NTNG1: variants seen among roughly 807,000 people sequenced by gnomAD.
NTNG1 encodes netrin G1, also known as netrin-G1.
A neutral mutation model predicts 54.0 loss-of-function variants in NTNG1; 16 were observed. That is an observed-to-expected ratio of 0.30 (90% CI 0.20 to 0.45). The LOEUF (loss-of-function observed/expected upper bound fraction) is 0.45, where lower values mean the gene tolerates loss of function less well. NTNG1 is among the 20% of genes least tolerant of loss of function. The pLI, the probability that NTNG1 is intolerant of heterozygous loss-of-function variation, is 1.00. For synonymous variants in NTNG1, 255 were observed against 263.1 expected (o/e 0.97, Z 0.30); for missense variants, 530 against 678.7 (o/e 0.78, Z 2.43).
At chr1:107,442,876 C>T (rs963929773) in intron 7 of NTNG1, among the ~76,000 whole-genome samples, 10 of 152,030 alleles carry the variant, frequency 6.6e-5, no homozygotes, top group Non-Finnish European at 1.5e-4. Flanking sequence ...AGACATGGTT[C>T]AGGAAGATAG....
At chr1:107,358,429 G>T (rs1456468129) in intron 3 of NTNG1, among the ~76,000 whole-genome samples, 1 of 151,716 alleles carries the variant, frequency 6.6e-6, no homozygotes, top group Non-Finnish European at 1.5e-5. Context: ...CATAGATTTG[G>T]TCACGAGTGG....
At chr1:107,445,010 G>T (rs1045396311) in intron 7 of NTNG1, among the ~76,000 whole-genome samples, 16 of 152,098 alleles carry the variant, frequency 1.1e-4, no homozygotes, top group African/African-American at 3.9e-4. Flanking sequence ...ATGTCTAAAT[G>T]TGAAAATCAG....
chr1:107,459,250 C>T (rs565667766), intron 7 of NTNG1, among the ~76,000 whole-genome samples: 1 of 152,190 alleles, frequency 6.6e-6, no homozygotes, highest in South Asian at 2.1e-4. Flanking sequence ...TATTTGAGTC[C>T]TAAACCTAGG....
At chr1:107,474,779 C>A (rs1558027070) in intron 7 of NTNG1, among the ~76,000 whole-genome samples, 1 of 152,222 alleles carries the variant, frequency 6.6e-6, no homozygotes, top group South Asian at 2.1e-4. Flanking sequence ...GATAACAAAC[C>A]CTCTCCCAAA....
intron 2 of NTNG1, among the ~76,000 whole-genome samples, chr1:107,310,471 A>G (rs1281599029): frequency 6.6e-6 from 1 of 152,132 alleles, no homozygotes; most frequent in Non-Finnish European, 1.5e-5. Context: ...ACTTTGGTTC[A>G]TGATGGTGGA....
intron 7 of NTNG1, among the ~76,000 whole-genome samples, chr1:107,473,433 A>G (rs2101592078): frequency 6.6e-6 from 1 of 152,230 alleles, no homozygotes; most frequent in Middle Eastern, 3.4e-3. Context: ...CCTGGCTAAT[A>G]CCCTCTGAGC....
intron 2 of NTNG1, among the ~76,000 whole-genome samples, chr1:107,216,686 C>CA: frequency 7.1e-6 from 1 of 139,910 alleles, no homozygotes; most frequent in East Asian, 2.1e-4. Flanking sequence ...AGGATTCCCT[C>CA]TTTTTTTTTT....
chr1:107,275,787 T>G (rs1244735935), intron 2 of NTNG1, among the ~76,000 whole-genome samples: 1 of 152,146 alleles, frequency 6.6e-6, no homozygotes, highest in Non-Finnish European at 1.5e-5. Flanking sequence ...CAAATGGTAA[T>G]CTTACAAAAA....
At chr1:107,448,332 A>G (rs988744001) in intron 7 of NTNG1, among the ~76,000 whole-genome samples, 2 of 152,204 alleles carry the variant, frequency 1.3e-5, no homozygotes, top group Middle Eastern at 6.8e-3. Context: ...TAGTCTTGCC[A>G]ATTATAAACC....
chr1:107,184,018 A>C (rs959477737), intron 2 of NTNG1, among the ~76,000 whole-genome samples: 53 of 152,278 alleles, frequency 3.5e-4, no homozygotes, highest in African/African-American at 1.2e-3. Context: ...TGTAGTAGCC[A>C]TCTTCAGTCA....
At chr1:107,342,788 A>G (rs1056094618) in intron 3 of NTNG1, among the ~76,000 whole-genome samples, 1 of 152,074 alleles carries the variant, frequency 6.6e-6, no homozygotes, top group Non-Finnish European at 1.5e-5. Flanking sequence ...GAATTATCCT[A>G]TAGAGGTGTC....
intron 7 of NTNG1, among the ~76,000 whole-genome samples, chr1:107,438,416 G>C (rs141807523): frequency 2.0e-5 from 3 of 152,310 alleles, no homozygotes; most frequent in African/African-American, 7.2e-5. Flanking sequence ...CTAGTCCTTA[G>C]TGCCTGGGAG....
intron 7 of NTNG1, among the ~76,000 whole-genome samples, chr1:107,478,884 C>G (rs653383): frequency 6.6e-6 from 1 of 152,200 alleles, no homozygotes; most frequent in Non-Finnish European, 1.5e-5. Flanking sequence ...GGCTAACCAC[C>G]CTACATGTGG....
intron 3 of NTNG1, among the ~76,000 whole-genome samples, chr1:107,339,914 G>A (rs543981695): frequency 6.6e-6 from 1 of 152,054 alleles, no homozygotes; most frequent in Non-Finnish European, 1.5e-5. Context: ...CCATCTGGAT[G>A]AGCTGACAGC....
chr1:107,302,584 A>AT (rs973596860), intron 2 of NTNG1, among the ~76,000 whole-genome samples: 23 of 151,976 alleles, frequency 1.5e-4, no homozygotes, highest in Non-Finnish European at 2.6e-4. Flanking sequence ...CAGCTTTAGT[A>AT]TTTTTTTAAA....
At chr1:107,434,803 T>C (rs1256788157) in intron 6 of NTNG1, among the ~76,000 whole-genome samples, 1 of 152,158 alleles carries the variant, frequency 6.6e-6, no homozygotes, top group African/African-American at 2.4e-5. Flanking sequence ...AATATGATCC[T>C]CCAAGACTCT....
chr1:107,338,872 T>TAA (rs66513954), intron 3 of NTNG1, among the ~76,000 whole-genome samples: 9 of 148,306 alleles, frequency 6.1e-5, no homozygotes, highest in South Asian at 2.1e-4. Flanking sequence ...TAAGAAGCTT[T>TAA]AAAAAAAAAA....
chr1:107,175,837 A>G (rs1347293921), intron 2 of NTNG1, among the ~76,000 whole-genome samples: 1 of 151,814 alleles, frequency 6.6e-6, no homozygotes, highest in Admixed American at 6.5e-5. Context: ...CATGGTGAGA[A>G]CAACTAAGTT....
At chr1:107,228,878 T>C (rs1660866807) in intron 2 of NTNG1, among the ~76,000 whole-genome samples, 1 of 152,178 alleles carries the variant, frequency 6.6e-6, no homozygotes, top group African/African-American at 2.4e-5. Context: ...AGCCATGTGC[T>C]GTGGTCAGCC....
Sources: allele counts gnomAD v4.1 joint callset (sites outside exome capture counted in the v4.1 genomes callset), GRCh38; gene constraint gnomAD v4.1.1; transcripts MANE v1.5; gene names NCBI Gene and HGNC (gene_info 2026-07-23, HGNC 2026-07-21).